The following USP3 variants were observed in gnomAD, a reference collection of about 807,000 sequenced individuals.
USP3 encodes ubiquitin carboxyl-terminal hydrolase 3.
USP3 carries 20 observed loss-of-function variants against 72.3 expected under a neutral mutation model. The observed-to-expected ratio is 0.28, with a 90% CI of 0.19 to 0.40. The LOEUF (loss-of-function observed/expected upper bound fraction) is 0.40. Among genes scored for constraint, USP3 ranks in the 10% least tolerant of loss-of-function variants. The pLI, the probability that USP3 is intolerant of heterozygous loss-of-function variation, is 1.00. For missense variants in USP3, 479 were observed against 633.9 expected, an observed-to-expected ratio of 0.76 and a Z score of 2.62; for synonymous variants, 222 against 225.3, an observed-to-expected ratio of 0.99 and a Z score of 0.13.
intron 3 of USP3, among the ~76,000 whole-genome samples, chr15:63,551,050 C>G (rs1234737528): frequency 6.6e-6 from 1 of 152,154 alleles, no homozygotes; most frequent in Non-Finnish European, 1.5e-5. Flanking sequence ...CTTACAAGCT[C>G]AAGTTCTGTA....
rs2066824797 is a variant in USP3, at chr15:63,574,224, G to A, written c.1015+72G>A. The A allele has an allele frequency of 2.8e-6, 4 of 1,405,708 alleles. No homozygotes were observed. The highest frequency in any genetic ancestry group is 3.8e-6 in the Non-Finnish European group (4 of 1,055,772). The allele number at this position is 1,405,708 out of a possible 1,614,324, so 87.1% of individuals were successfully genotyped here. On this transcript the variant is annotated intron_variant, in intron 10 of 14. Transcript: ENST00000380324. This position sits in a 1 kb window ranked among gnomAD's most constrained non-coding sequence, Gnocchi z 4.6. ...ATTTAATGTTTCCTTCAAAAAATAA[G>A]TGTAAAGAGAAATCTAGAAATACAT...
At chr15:63,554,052 T>C (rs74018116) in intron 4 of USP3, among the ~76,000 whole-genome samples, 1,718 of 152,242 alleles carry the variant, frequency 0.011, 29 homozygotes, top group African/African-American at 0.04. Context: ...TTAAAAAATA[T>C]TACCCAACAA....
chr15:63,510,957 G>A (rs1304163589), intron 1 of USP3, among the ~76,000 whole-genome samples: 2 of 152,010 alleles, frequency 1.3e-5, no homozygotes, highest in African/African-American at 2.4e-5. Flanking sequence ...TTAGAAATTT[G>A]TAGAGATCGT....
chr15:63,555,953 C>CT (rs2066500743), intron 4 of USP3, among the ~76,000 whole-genome samples: 2 of 152,160 alleles, frequency 1.3e-5, no homozygotes, highest in African/African-American at 4.8e-5. Context: ...GTTGTTTAAC[C>CT]ATAATTTTTA....
At chr15:63,551,510 A>ACAT (rs1356343969) in intron 3 of USP3, among the ~76,000 whole-genome samples, 1 of 152,178 alleles carries the variant, frequency 6.6e-6, no homozygotes, top group African/African-American at 2.4e-5. Context: ...TTACAATGCT[A>ACAT]CATTGTTGCA....
intron 1 of USP3, among the ~76,000 whole-genome samples, chr15:63,512,509 G>A (rs960485563): frequency 6.6e-6 from 1 of 150,576 alleles, no homozygotes. Context: ...GCAGTGGCAC[G>A]ATCTCAGCTC....
chr15:63,558,188 G>C lies in USP3; in HGVS notation c.533G>C (p.Ser178Thr), dbSNP rs2066543415. ...CFMNAILQSL[S>T]NIEQFCCYFK... ...ATGAATGCCATCCTTCAGTCACTCA[G>C]GTAACGCTACAGTCAGAGCTTAAGT... Residue 178 changes from serine to threonine, a missense_variant and splice_region_variant, in exon 6 of 15, where the codon AGT (serine) becomes ACT (threonine). Physicochemically the swap from Ser to Thr is moderately conservative, Grantham distance 58. Coordinates refer to ENST00000380324, the MANE Select transcript of USP3 (RefSeq NM_006537.4). The C allele has an allele frequency of 6.2e-7, 1 of 1,613,822 alleles. No homozygotes were observed.
At position 63,562,898 on chromosome 15, in the gene USP3, T is replaced by A; in HGVS notation, c.651T>A (p.Ser217=). The change falls in exon 8 of 15, where the codon TCT becomes TCA. Residue 217 remains serine (S), a synonymous_variant. Coordinates refer to ENST00000380324, the MANE Select transcript of USP3 (RefSeq NM_006537.4). ...HTRSQGDNNV[S]LVEEFRKTLC... The stretch of plus-strand genomic sequence containing the variant: ...ACTGTCCTTTCCTCTTTTGCAGGTC[T>A]TTGGTAGAAGAGTTTAGAAAGACAC... The A allele has an allele frequency of 6.2e-7, 1 of 1,603,602 alleles. No homozygotes were observed. Among genetic ancestry groups the A allele is most frequent in the Non-Finnish European group, 8.5e-7 (1 of 1,175,538 alleles).
intron 9 of USP3, among the ~76,000 whole-genome samples, chr15:63,572,097 C>G (rs1258886166): frequency 6.6e-6 from 1 of 152,044 alleles, no homozygotes; most frequent in African/African-American, 2.4e-5. Context: ...ATCATAAGAG[C>G]CTATCCAATA....
At chr15:63,547,010 C>A (rs1314664204) in intron 3 of USP3, among the ~76,000 whole-genome samples, 1 of 152,198 alleles carries the variant, frequency 6.6e-6, no homozygotes, top group Non-Finnish European at 1.5e-5. Flanking sequence ...TTTACATTTT[C>A]ATTTATTTGC....
At chr15:63,526,262 T>A (rs1311905971) in intron 1 of USP3, among the ~76,000 whole-genome samples, 1 of 152,214 alleles carries the variant, frequency 6.6e-6, no homozygotes, top group Non-Finnish European at 1.5e-5. Context: ...AACAAAAGTT[T>A]TAGTTTCCTG....
chr15:63,543,522 G>A (rs1317212314), intron 3 of USP3, among the ~76,000 whole-genome samples: 1 of 152,176 alleles, frequency 6.6e-6, no homozygotes, highest in South Asian at 2.1e-4. Flanking sequence ...TGTGTGCCAT[G>A]AGTTACACAC....
intron 11 of USP3, among the ~76,000 whole-genome samples, chr15:63,577,788 G>A (rs984567988): frequency 6.6e-6 from 1 of 151,928 alleles, no homozygotes; most frequent in Non-Finnish European, 1.5e-5. Flanking sequence ...AATTAACTGG[G>A]CATGGTGGTA....
chr15:63,544,861 A>T lies in USP3; in HGVS notation c.284+7705A>T, dbSNP rs74018113. 1 of 608,204 alleles carries T rather than the reference A, an allele frequency of 1.6e-6. No individual in the cohort carries two copies. The highest frequency in any genetic ancestry group is 2.9e-5 in the Admixed American group (1 of 34,934). 37.7% of individuals were successfully genotyped at this position (608,204 alleles called of 1,614,324 possible). A position where few individuals can be genotyped will look rare whatever the true frequency, so the allele number is the denominator to read the frequency against. ...TCTAAGCAAGGCTGACATTGTGGGG[A>T]CCATCAAATACTATACTTAGTTCAG... On this transcript the variant is annotated intron_variant, in intron 3 of 14. Coordinates refer to ENST00000380324, the MANE Select transcript of USP3 (RefSeq NM_006537.4). This position sits in a 1 kb window ranked among gnomAD's most constrained non-coding sequence, Gnocchi z 4.2.
At chr15:63,545,969 T>TAAAAAA (rs2066317086) in intron 3 of USP3, among the ~76,000 whole-genome samples, 1 of 9,158 alleles carries the variant, frequency 1.1e-4, no homozygotes, top group African/African-American at 4.6e-4. Flanking sequence ...AGACCTTGTC[T>TAAAAAA]CAAAAAAAAA....
chr15:63,563,382 A>G (rs904667580), intron 8 of USP3, among the ~76,000 whole-genome samples: 7 of 152,248 alleles, frequency 4.6e-5, no homozygotes, highest in Non-Finnish European at 7.3e-5. Flanking sequence ...TAATAAGATC[A>G]GTAGAAGTGC....
chr15:63,541,437 A>C (rs529828185), intron 3 of USP3, among the ~76,000 whole-genome samples: 2 of 152,296 alleles, frequency 1.3e-5, no homozygotes, highest in African/African-American at 2.4e-5. Context: ...GCAAATTTTC[A>C]ATGTAAAAAA....
At position 63,553,945 on chromosome 15, in the gene USP3, G is replaced by T; in HGVS notation, c.368+147G>T. On this transcript the variant is annotated intron_variant, in intron 4 of 14. Transcript: ENST00000380324. The surrounding 1 kb of genome is among the most constrained non-coding windows in gnomAD (Gnocchi z 4.2). ...TGTTAATAAAATAAACCTTGGCTTT[G>T]GATAGCTAAAACTTGGCCCATAGTT... 1 of 611,148 alleles carries T rather than the reference G, an allele frequency of 1.6e-6. No individual in the cohort carries two copies. The allele number at this position is 611,148 out of a possible 1,614,324, so 37.9% of individuals were successfully genotyped here.
chr15:63,525,464 C>T (rs1226863903), intron 1 of USP3, among the ~76,000 whole-genome samples: 1 of 152,240 alleles, frequency 6.6e-6, no homozygotes, highest in Non-Finnish European at 1.5e-5. Flanking sequence ...GCTGGGGAGA[C>T]ATCAGACACT....
Sources: gnomAD v4.1 joint callset for allele counts (sites outside exome capture counted in the v4.1 genomes callset) on GRCh38, gnomAD v4.1.1 for gene constraint, Gnocchi (gnomAD v3.1) non-coding constraint, MANE v1.5 for transcripts, NCBI Gene and HGNC (gene_info 2026-07-23, HGNC 2026-07-21) for gene names.